DCBLD2: variants seen among roughly 807,000 people sequenced by gnomAD.
DCBLD2 encodes the protein discoidin, CUB and LCCL domain containing 2.
DCBLD2 carries 54 observed loss-of-function variants against 86.8 expected under a neutral mutation model. That is an observed-to-expected ratio of 0.62 (90% CI 0.50 to 0.78). DCBLD2 has a LOEUF of 0.78. Among genes scored for constraint, DCBLD2 ranks in the 30% least tolerant of loss-of-function variants. DCBLD2 has a pLI of 0.00. For missense variants in DCBLD2, 908 were observed against 954.2 expected, an observed-to-expected ratio of 0.95 and a Z score of 0.64; for synonymous variants, 354 against 341.3, an observed-to-expected ratio of 1.04 and a Z score of -0.41.
intron 2 of DCBLD2, among the ~76,000 whole-genome samples, chr3:98,867,411 T>TCCTTC (rs1943171986): frequency 6.6e-6 from 1 of 152,208 alleles, no homozygotes; most frequent in African/African-American, 2.4e-5. Flanking sequence ...CTTGAAGAGG[T>TCCTTC]CCTTCACAGC....
chr3:98,873,413 T>G (rs1432599350), intron 2 of DCBLD2, among the ~76,000 whole-genome samples: 2 of 152,106 alleles, frequency 1.3e-5, no homozygotes, highest in African/African-American at 4.8e-5. Context: ...GGTCATACAT[T>G]AGCTTATAAA....
Position 98,808,099 on chromosome 3 carries a change from G to A in DCBLD2, c.1652C>T (p.Ala551Val). The A allele has an allele frequency of 6.2e-7, 1 of 1,602,410 alleles. No individual in the cohort carries two copies. Among genetic ancestry groups the A allele is most frequent in the Non-Finnish European group, 8.5e-7 (1 of 1,174,788 alleles). Residue 551 changes from alanine (A) to valine (V), a missense_variant, in exon 13 of 16, where the codon GCT (alanine) becomes GTT (valine). Coordinates refer to ENST00000326840, the MANE Select transcript of DCBLD2 (RefSeq NM_080927.4). Reference protein sequence around the residue: ...LTTLILILVCAWHWRNRKKKT... With the variant: ...LTTLILILVCVWHWRNRKKKT... ...TACTAACCTGTTTCTCCAGTGCCAA[G>A]CACACACTAATATGAGAATGAGAGT...
chr3:98,890,325 A>T (rs1200661079), intron 1 of DCBLD2: 1 of 152,092 alleles, frequency 6.6e-6, no homozygotes, highest in East Asian at 1.9e-4. Flanking sequence ...CTGGAGTGAT[A>T]TATTAAAAGC....
chr3:98,863,662 G>A (rs1384665541), intron 2 of DCBLD2, among the ~76,000 whole-genome samples: 1 of 152,180 alleles, frequency 6.6e-6, no homozygotes, highest in Non-Finnish European at 1.5e-5. Flanking sequence ...CTAGCCATAT[G>A]TAGAAAGCTG....
chr3:98,833,922 C>T (rs947231687), intron 3 of DCBLD2, among the ~76,000 whole-genome samples: 21 of 152,154 alleles, frequency 1.4e-4, no homozygotes, highest in African/African-American at 5.1e-4. Flanking sequence ...GAGGACTTGC[C>T]CAGTGAGGAG....
chr3:98,888,770 T>C (rs1051586375), intron 1 of DCBLD2, among the ~76,000 whole-genome samples: 5 of 152,020 alleles, frequency 3.3e-5, no homozygotes, highest in Non-Finnish European at 5.9e-5. Context: ...TAGTGTCTTG[T>C]AGAAAGTATA....
At chr3:98,806,214 G>A (rs1187097410) in intron 13 of DCBLD2, among the ~76,000 whole-genome samples, 1 of 152,118 alleles carries the variant, frequency 6.6e-6, no homozygotes, top group East Asian at 1.9e-4. Flanking sequence ...ACAAAAGCTT[G>A]TTACACTATG....
At position 98,799,048 on chromosome 3, in the gene DCBLD2, T is replaced by G. The variant is rs568218603; in HGVS notation, c.*324A>C. ...CAGAGCCATCTCGAGTTCATTAATGTACCTGCAGCATTGGTAATAAATACT... is the reference window on the plus strand; with the variant it reads ...CAGAGCCATCTCGAGTTCATTAATGGACCTGCAGCATTGGTAATAAATACT... On this transcript the variant is annotated 3_prime_UTR_variant, in exon 16 of 16. Transcript: ENST00000326840. 9.1e-6 allele frequency: 2 copies of G among 219,004 alleles called. No individual in the cohort carries two copies. Among genetic ancestry groups the G allele is most frequent in the South Asian group, 1.7e-4 (2 of 11,570 alleles). The allele number at this position is 219,004 out of a possible 1,614,324, so 13.6% of individuals were successfully genotyped here.
chr3:98,802,951 G>A (rs942170266), intron 13 of DCBLD2, among the ~76,000 whole-genome samples: 1 of 152,108 alleles, frequency 6.6e-6, no homozygotes, highest in Admixed American at 6.5e-5. Context: ...GGTTACTGTA[G>A]CCTTGTAGTA....
chr3:98,824,181 AAT>A (rs1359422854), intron 4 of DCBLD2, among the ~76,000 whole-genome samples: 2 of 152,180 alleles, frequency 1.3e-5, no homozygotes, highest in East Asian at 3.9e-4. Flanking sequence ...TCTAAGTAAA[AAT>A]AGGAAGCCAG....
chr3:98,846,097 T>C (rs886322156), intron 3 of DCBLD2, among the ~76,000 whole-genome samples: 2 of 152,164 alleles, frequency 1.3e-5, no homozygotes, highest in African/African-American at 4.8e-5. Flanking sequence ...GTGCCAAGTA[T>C]AGGGCAGGAA....
intron 12 of DCBLD2, among the ~76,000 whole-genome samples, chr3:98,810,135 GGT>G (rs1235021667): frequency 6.6e-6 from 1 of 152,128 alleles, no homozygotes; most frequent in Non-Finnish European, 1.5e-5. Flanking sequence ...TAGCCTTGAG[GGT>G]CTGAGATGCA....
In DCBLD2 at chr3:98,891,827, C is replaced by T. The variant is rs150379813; in HGVS notation, c.205+9295G>A. Among the ~76,000 whole-genome samples, 449 of 152,292 alleles carry T rather than the reference C, an allele frequency of 2.9e-3. 3 individuals are homozygous for T. Among genetic ancestry groups the T allele is most frequent in the African/African-American group, 0.01 (426 of 41,562 alleles). ...CTTTTATCCACCTAGCAAATACCTACTCAATGTTATTTTCTTTGTGAAACC... is the reference window on the plus strand; with the variant it reads ...CTTTTATCCACCTAGCAAATACCTATTCAATGTTATTTTCTTTGTGAAACC... On this transcript the variant is annotated intron_variant, in intron 1 of 15. Transcript: ENST00000326840.
chr3:98,867,504 A>G (rs2107507153), intron 2 of DCBLD2, among the ~76,000 whole-genome samples: 1 of 152,334 alleles, frequency 6.6e-6, no homozygotes. Context: ...AAGAAGTATT[A>G]AAACTATAAT....
chr3:98,804,628 G>T (rs996370379), intron 13 of DCBLD2, among the ~76,000 whole-genome samples: 1 of 152,032 alleles, frequency 6.6e-6, no homozygotes, highest in Non-Finnish European at 1.5e-5. Flanking sequence ...TCTTTTAATT[G>T]TGATGTTAGG....
chr3:98,867,810 T>G (rs892022844), intron 2 of DCBLD2, among the ~76,000 whole-genome samples: 1 of 151,520 alleles, frequency 6.6e-6, no homozygotes, highest in Non-Finnish European at 1.5e-5. Context: ...GTTTTTTGTT[T>G]TTTTTTTTTT....
At chr3:98,802,349 G>A (rs1321023360) in intron 13 of DCBLD2, among the ~76,000 whole-genome samples, 6 of 152,176 alleles carry the variant, frequency 3.9e-5, no homozygotes, top group Admixed American at 3.9e-4. Context: ...CTGCATAAAT[G>A]TCTTCTTTTG....
chr3:98,840,976 G>A (rs1942609910), intron 3 of DCBLD2, among the ~76,000 whole-genome samples: 1 of 152,238 alleles, frequency 6.6e-6, no homozygotes, highest in Non-Finnish European at 1.5e-5. Context: ...GGATTCTGCT[G>A]AAGCAAACTG....
intron 1 of DCBLD2, among the ~76,000 whole-genome samples, chr3:98,892,260 A>G (rs1013559202): frequency 6.6e-6 from 1 of 152,128 alleles, no homozygotes; most frequent in Non-Finnish European, 1.5e-5. Flanking sequence ...CCATCTCCCA[A>G]GATAAATGTA....
Sources: allele counts gnomAD v4.1 joint callset (sites outside exome capture counted in the v4.1 genomes callset), GRCh38; gene constraint gnomAD v4.1.1; transcripts MANE v1.5; gene names NCBI Gene and HGNC (gene_info 2026-07-23, HGNC 2026-07-21).